Variants in CPEB1 observed in about 807,000 individuals in gnomAD.
CPEB1 encodes the protein cytoplasmic polyadenylation element binding protein 1, also known as cytoplasmic polyadenylation element-binding protein 1.
A neutral mutation model predicts 65.8 loss-of-function variants in CPEB1; 7 were observed. The ratio of observed to expected loss-of-function variants is 0.11; its 90% confidence interval spans 0.06 to 0.20. CPEB1 has a LOEUF of 0.20. CPEB1 is among the 10% of genes least tolerant of loss of function. CPEB1 has a pLI of 1.00. For synonymous variants in CPEB1, 262 were observed against 260.0 expected (o/e 1.01, Z -0.08); for missense variants, 551 against 712.2 (o/e 0.77, Z 2.58).
intron 4 of CPEB1, among the ~76,000 whole-genome samples, chr15:82,561,524 C>A (rs1323844735): frequency 6.6e-6 from 1 of 152,178 alleles, no homozygotes; most frequent in Non-Finnish European, 1.5e-5. Flanking sequence ...AGGCTTGTAT[C>A]TGAAAACACC....
At chr15:82,569,388 C>T (rs2039669125) in intron 4 of CPEB1, among the ~76,000 whole-genome samples, 1 of 152,214 alleles carries the variant, frequency 6.6e-6, no homozygotes, top group Admixed American at 6.5e-5. Context: ...CCTGCCTACA[C>T]AGCCAGATCA....
intron 10 of CPEB1, among the ~76,000 whole-genome samples, chr15:82,548,350 T>G (rs1205112421): frequency 6.6e-6 from 1 of 152,160 alleles, no homozygotes; most frequent in Non-Finnish European, 1.5e-5. Flanking sequence ...AAAATTTTAT[T>G]TAACCCTATA....
At chr15:82,561,376 A>G (rs1217889033) in intron 4 of CPEB1, among the ~76,000 whole-genome samples, 1 of 152,142 alleles carries the variant, frequency 6.6e-6, no homozygotes, top group African/African-American at 2.4e-5. Flanking sequence ...TTCACCAGTA[A>G]AAAAAAGAAA....
chr15:82,579,574 G>T (rs778573628), intron 3 of CPEB1, among the ~76,000 whole-genome samples: 9 of 152,218 alleles, frequency 5.9e-5, no homozygotes, highest in Middle Eastern at 3.4e-3. Context: ...TTCAGTTTAT[G>T]TACTTTTGTT....
chr15:82,647,671 CCCCCTCGCCCTCCACCCCTCCACGAGG>C (rs1293628380), upstream of CPEB1: 6 of 395,132 alleles, frequency 1.5e-5, no homozygotes, highest in Non-Finnish European at 2.5e-5. Flanking sequence ...GGCTCCCTGC[CCCCCTCGCCCTCCACCCCTCCACGAGG>C]CCCCACGCCC....
At chr15:82,626,698 G>A (rs961608971) in intron 3 of CPEB1, among the ~76,000 whole-genome samples, 4 of 152,140 alleles carry the variant, frequency 2.6e-5, no homozygotes, top group African/African-American at 7.2e-5. Flanking sequence ...ACACTGTCCA[G>A]TGCAGTAGCC....
intron 3 of CPEB1, among the ~76,000 whole-genome samples, chr15:82,590,690 G>A (rs1359005256): frequency 6.6e-6 from 1 of 151,978 alleles, no homozygotes; most frequent in Non-Finnish European, 1.5e-5. Flanking sequence ...CCCTCAAATG[G>A]GCACCAGTGT....
chr15:82,556,228 G>A (rs1596010564), intron 5 of CPEB1, 106 bp from the exon 6 acceptor site: 1 of 1,264,004 alleles, frequency 7.9e-7, no homozygotes, highest in Non-Finnish European at 1.1e-6. Flanking sequence ...TTTAGCATTT[G>A]ATATATATTC....
In CPEB1 at chr15:82,621,961, C is replaced by A. The variant is rs185022130; in HGVS notation, c.271+5232G>T. ...CTGCTCCTCCAATCATTGCCTCCAT[C>A]CTAAATATTAAGTCTCCCTACCCAT... On this transcript the variant is annotated intron_variant, in intron 3 of 12. Transcript: ENST00000684509. Among the ~76,000 whole-genome samples the A allele has an allele frequency of 3.2e-4, 49 of 152,312 alleles. 1 individual carries two copies. In the East Asian group the frequency reaches 9.1e-3, roughly 28 times the overall value.
intron 3 of CPEB1, among the ~76,000 whole-genome samples, chr15:82,624,200 C>T (rs1012401804): frequency 9.2e-5 from 14 of 152,160 alleles, no homozygotes; most frequent in African/African-American, 3.4e-4. Context: ...AGAATACAGG[C>T]CCACAGCCCT....
At chr15:82,617,282 T>C (rs1343537110) in intron 3 of CPEB1, among the ~76,000 whole-genome samples, 1 of 152,250 alleles carries the variant, frequency 6.6e-6, no homozygotes, top group African/African-American at 2.4e-5. Context: ...TTTGCATTTG[T>C]TTATCCATTC....
chr15:82,607,352 C>A (rs2043717173), intron 3 of CPEB1, among the ~76,000 whole-genome samples: 1 of 152,168 alleles, frequency 6.6e-6, no homozygotes, highest in Non-Finnish European at 1.5e-5. Flanking sequence ...TTTTGGGAGG[C>A]TGAGGCAGGT....
chr15:82,554,749 T>C (rs1476328325), intron 6 of CPEB1, among the ~76,000 whole-genome samples: 2 of 152,256 alleles, frequency 1.3e-5, no homozygotes, highest in Non-Finnish European at 2.9e-5. Flanking sequence ...TGAAAGGAAC[T>C]ATCATTTTCA....
At chr15:82,639,332 C>T (rs1031175069) in intron 1 of CPEB1, among the ~76,000 whole-genome samples, 8 of 152,182 alleles carry the variant, frequency 5.3e-5, no homozygotes, top group African/African-American at 1.9e-4. Context: ...CAGCAAGACA[C>T]AGAACATTTC....
At chr15:82,568,695 C>T (rs2039541355) in intron 4 of CPEB1, among the ~76,000 whole-genome samples, 1 of 152,150 alleles carries the variant, frequency 6.6e-6, no homozygotes, top group African/African-American at 2.4e-5. Context: ...TGAAGAAAAT[C>T]CTTAGGGGAA....
intron 4 of CPEB1, among the ~76,000 whole-genome samples, chr15:82,563,025 C>T (rs1217000112): frequency 6.6e-6 from 1 of 152,058 alleles, no homozygotes; most frequent in African/African-American, 2.4e-5. Context: ...AAGACAGACA[C>T]AGTAACCATG....
At chr15:82,618,277 T>C (rs981932914) in intron 3 of CPEB1, among the ~76,000 whole-genome samples, 1 of 152,186 alleles carries the variant, frequency 6.6e-6, no homozygotes, top group Non-Finnish European at 1.5e-5. Context: ...TTTTAGACAT[T>C]CTAAGAGGCA....
intron 3 of CPEB1, among the ~76,000 whole-genome samples, chr15:82,616,214 G>T (rs10152286): frequency 0.07 from 10,646 of 152,036 alleles, 599 homozygotes; most frequent in African/African-American, 0.15. Flanking sequence ...GAGCTTGAGA[G>T]CATGAGTGTA....
At chr15:82,603,588 CTG>C (rs2043302408) in intron 3 of CPEB1, among the ~76,000 whole-genome samples, 1 of 151,936 alleles carries the variant, frequency 6.6e-6, no homozygotes, top group Admixed American at 6.6e-5. Context: ...CCTTGAGGCT[CTG>C]TACAAACAGC....
Sources: allele counts gnomAD v4.1 joint callset (sites outside exome capture counted in the v4.1 genomes callset), GRCh38; gene constraint gnomAD v4.1.1; transcripts MANE v1.5; gene names NCBI Gene and HGNC (gene_info 2026-07-23, HGNC 2026-07-21).